The following KIAA0586 variants were observed in gnomAD, a reference collection of about 807,000 sequenced individuals.
KIAA0586 encodes KIAA0586, also known as protein TALPID3.
KIAA0586 carries 144 observed loss-of-function variants against 169.8 expected under a neutral mutation model. That is an observed-to-expected ratio of 0.85 (90% CI 0.74 to 0.97). The LOEUF (loss-of-function observed/expected upper bound fraction) is 0.97. Among genes scored for constraint, KIAA0586 ranks in the 50% least tolerant of loss-of-function variants. The pLI, the probability that KIAA0586 is intolerant of heterozygous loss-of-function variation, is 0.00. For missense variants in KIAA0586, 1,854 were observed against 1,823.0 expected, an observed-to-expected ratio of 1.02 and a Z score of -0.31; for synonymous variants, 625 against 612.4, an observed-to-expected ratio of 1.02 and a Z score of -0.30.
upstream of KIAA0586, chr14:58,427,669 C>T: frequency 6.5e-7 from 1 of 1,535,610 alleles, no homozygotes; most frequent in African/African-American, 1.4e-5. Flanking sequence ...CGTGTTGTGT[C>T]TCAAGGGCGG....
In KIAA0586 at chr14:58,428,451, G is replaced by C; in HGVS notation, c.187G>C (p.Gly63Arg). 1 of 1,610,992 alleles carries C rather than the reference G, an allele frequency of 6.2e-7. No homozygotes were observed. The highest frequency in any genetic ancestry group is 2.2e-5 in the East Asian group (1 of 44,862). Residue 63 changes from glycine to arginine, a missense_variant, in exon 1 of 31, where the codon GGA (glycine) becomes CGA (arginine). Transcript: ENST00000652326. ...TGTTGGAACGGGGACTAGTTTGAAT[G>C]GAACATCACGTGGTATGTGATTCCA... The part of the protein sequence containing the change: ...LPVGTGTSLN[G>R]TSRGSSDLTS...
chr14:58,521,221 CA>C (rs1401466570), intron 29 of KIAA0586: 27 of 979,568 alleles, frequency 2.8e-5, no homozygotes, highest in Admixed American at 1.2e-4. Flanking sequence ...TCATCCAACA[CA>C]GTGGCCAGCA....
intron 29 of KIAA0586, among the ~76,000 whole-genome samples, chr14:58,519,270 A>C (rs890373826): frequency 2.6e-5 from 4 of 152,160 alleles, no homozygotes; most frequent in Non-Finnish European, 5.9e-5. Context: ...ATAGAGATAG[A>C]GTTTCACTGT....
chr14:58,458,137 A>G (rs1170966580), intron 11 of KIAA0586, among the ~76,000 whole-genome samples, 158 bp downstream of exon 11: 3 of 151,618 alleles, frequency 2.0e-5, no homozygotes, highest in Non-Finnish European at 4.4e-5. Context: ...TGGAATTTGG[A>G]TATATATATA....
chr14:58,522,021 C>A, intron 29 of KIAA0586: 2 of 1,228,278 alleles, frequency 1.6e-6, no homozygotes, highest in Non-Finnish European at 2.4e-6. Context: ...AATCTTATCC[C>A]ATCATTTCTT....
intron 29 of KIAA0586, chr14:58,521,540 T>A (rs1205952119): frequency 3.7e-6 from 3 of 812,694 alleles, no homozygotes; most frequent in Non-Finnish European, 6.5e-6. Flanking sequence ...CGGGCTGTAG[T>A]GCCCTCGAAA....
At chr14:58,503,328 G>A (rs533741815) in intron 27 of KIAA0586, among the ~76,000 whole-genome samples, 8 of 152,224 alleles carry the variant, frequency 5.3e-5, no homozygotes, top group South Asian at 2.1e-4. Flanking sequence ...CAACACAGAC[G>A]GCTGTGGGAG....
At chr14:58,490,097 A>C in intron 24 of KIAA0586, 67 bp from the exon 25 acceptor site, 1 of 752,200 alleles carries the variant, frequency 1.3e-6, no homozygotes, top group Non-Finnish European at 2.1e-6. Flanking sequence ...CTATGGCTTT[A>C]TGGTCAGATT....
Position 58,470,619 on chromosome 14 carries a change from C to G in KIAA0586, c.2449C>G (p.Pro817Ala), listed in dbSNP as rs370111393. The G allele has an allele frequency of 3.4e-5, 53 of 1,577,850 alleles. No homozygotes were observed. The highest frequency in any genetic ancestry group is 1.7e-4 in the Middle Eastern group (1 of 6,018). ...ATGTTGTATTCTGTTTTAGGTATTACCCAGTGTAGATATTGACAGCATTTC... is the reference window on the plus strand; with the variant it reads ...ATGTTGTATTCTGTTTTAGGTATTAGCCAGTGTAGATATTGACAGCATTTC... ...DPPQLTVQVL[P>A]SVDIDSISNS... The change falls in exon 17 of 31, where the codon CCC (proline) becomes GCC (alanine). Residue 817 changes from proline (P) to alanine (A), a missense_variant. Pro to Ala is a conservative substitution (Grantham distance 27). Transcript: ENST00000652326.
chr14:58,429,450 T>C lies in KIAA0586; in HGVS notation c.270+17T>C. ...TCAGAAAGTGTAAGCAAAAGGATTCTTAATTATGCTCACGTTAAAATTTTC... is the reference window on the plus strand; with the variant it reads ...TCAGAAAGTGTAAGCAAAAGGATTCCTAATTATGCTCACGTTAAAATTTTC... On this transcript the variant is annotated intron_variant, in intron 2 of 30. Coordinates refer to ENST00000652326, the MANE Select transcript of KIAA0586 (RefSeq NM_001329943.3). The C allele has an allele frequency of 7.1e-7, 1 of 1,411,292 alleles. No individual in the cohort carries two copies. Among genetic ancestry groups the C allele is most frequent in the Non-Finnish European group, 1.0e-6 (1 of 996,676 alleles). The allele number at this position is 1,411,292 out of a possible 1,614,324, so 87.4% of individuals were successfully genotyped here. A position where few individuals can be genotyped will look rare whatever the true frequency, so the allele number is the denominator to read the frequency against.
Position 58,487,989 on chromosome 14 carries a change from T to C in KIAA0586, c.3407T>C (p.Ile1136Thr), listed in dbSNP as rs200148591. Residue 1136 changes from isoleucine (I) to threonine (T), a missense_variant, in exon 23 of 31, where the codon ATT (isoleucine) becomes ACT (threonine). Ile to Thr is a moderately conservative substitution (Grantham distance 89). Transcript: ENST00000652326. ...AAVFTPTLSD[I>T]SIDKLKVSSP... is the part of the protein sequence containing the mutation. ...GTTTTTACCCCAACTTTGTCAGATATTTCCATTGATAAATTGAAGGTATCA... is the reference window on the plus strand; with the variant it reads ...GTTTTTACCCCAACTTTGTCAGATACTTCCATTGATAAATTGAAGGTATCA... The C allele has an allele frequency of 3.9e-5, 63 of 1,613,188 alleles. No individual in the cohort carries two copies. In the African/African-American group the frequency reaches 7.3e-4, roughly 19 times the overall value.
chr14:58,450,375 G>A (rs1320299364), intron 7 of KIAA0586, among the ~76,000 whole-genome samples: 2 of 151,958 alleles, frequency 1.3e-5, no homozygotes, highest in African/African-American at 4.8e-5. Flanking sequence ...ATATAGATTC[G>A]TATTTACTAG....
At chr14:58,482,324 G>T (rs556369869) in intron 20 of KIAA0586, among the ~76,000 whole-genome samples, 189 bp from the exon 21 acceptor site, 1 of 151,970 alleles carries the variant, frequency 6.6e-6, no homozygotes, top group Non-Finnish European at 1.5e-5. Context: ...TATTCAGGAG[G>T]CTAAGGCAGG....
rs942756021 is a variant in KIAA0586, at chr14:58,543,921, A to T, written c.4495+3785A>T. On this transcript the variant is annotated intron_variant, in intron 30 of 30. Coordinates refer to ENST00000652326, the MANE Select transcript of KIAA0586 (RefSeq NM_001329943.3). Reference sequence around the variant, plus strand: ...TGTGAAGAAGGTTTCCTGTATAGGTAAACTCGGGCTGTGGAGGTTTGTCAT... The same window carrying T: ...TGTGAAGAAGGTTTCCTGTATAGGTTAACTCGGGCTGTGGAGGTTTGTCAT... 6.6e-5 allele frequency: 30 copies of T among 455,888 alleles called. No individual in the cohort carries two copies. The Admixed American group carries it at 7.1e-4, about 11-fold the overall frequency. 28.2% of individuals were successfully genotyped at this position (455,888 alleles called of 1,614,324 possible).
In KIAA0586 at chr14:58,487,995, T is replaced by C. The variant is rs1022113522; in HGVS notation, c.3413T>C (p.Ile1138Thr). The C allele has an allele frequency of 2.5e-6, 4 of 1,613,000 alleles. No homozygotes were observed. Among genetic ancestry groups the C allele is most frequent in the South Asian group, 1.1e-5 (1 of 90,822 alleles). Residue 1138 changes from isoleucine (I) to threonine (T), a missense_variant, in exon 23 of 31, where the codon ATT becomes ACT. By Grantham distance (89) the Ile-to-Thr change is moderately conservative. Transcript: ENST00000652326. ...ACCCCAACTTTGTCAGATATTTCCA[T>C]TGATAAATTGAAGGTATCAAGCCCA... ...VFTPTLSDIS[I>T]DKLKVSSPEL...
chr14:58,541,237 C>T (rs1364904008), intron 30 of KIAA0586, among the ~76,000 whole-genome samples: 1 of 152,202 alleles, frequency 6.6e-6, no homozygotes, highest in East Asian at 1.9e-4. Flanking sequence ...ACTGTTTGCC[C>T]AGCATCATGC....
the KIAA0586 span, among the ~76,000 whole-genome samples, chr14:58,558,029 C>T: frequency 6.0e-4 from 89 of 148,572 alleles, no homozygotes; most frequent in Non-Finnish European, 1.2e-3. Context: ...CCCACCTCAT[C>T]CGCCTGAGGA....
At position 58,470,681 on chromosome 14, in the gene KIAA0586, C is replaced by A. The variant is rs377409718; in HGVS notation, c.2511C>A (p.Ser837Arg). The A allele has an allele frequency of 2.5e-6, 4 of 1,609,236 alleles. No homozygotes were observed. In the African/African-American group the frequency reaches 5.3e-5, roughly 21 times the overall value. ...SSADVLSPLSSPKEASLPPVQ... is the reference protein window; with the variant it reads ...SSADVLSPLSRPKEASLPPVQ... ...CTGATGTCCTTTCACCTCTGTCTAG[C>A]CCCAAAGAAGCATCTCTTCCTCCTG... Residue 837 changes from serine to arginine, a missense_variant, in exon 17 of 31, where the codon AGC becomes AGA. Coordinates refer to ENST00000652326, the MANE Select transcript of KIAA0586 (RefSeq NM_001329943.3).
chr14:58,462,532 C>T (rs1022081765), intron 14 of KIAA0586, among the ~76,000 whole-genome samples: 3 of 152,166 alleles, frequency 2.0e-5, no homozygotes, highest in Non-Finnish European at 4.4e-5. Context: ...GGATTACAGG[C>T]GTGAGCCACT....
Sources: allele counts gnomAD v4.1 joint callset (sites outside exome capture counted in the v4.1 genomes callset), GRCh38; gene constraint gnomAD v4.1.1; transcripts MANE v1.5; gene names NCBI Gene and HGNC (gene_info 2026-07-23, HGNC 2026-07-21).